Variants in BTC observed in about 807,000 individuals in gnomAD.
BTC encodes probetacellulin.
Under a neutral mutation model 18.1 loss-of-function variants are expected in BTC, and 13 were observed. The observed-to-expected ratio is 0.72, with a 90% CI of 0.47 to 1.14. The LOEUF is 1.14. Among genes scored for constraint, BTC ranks in the 50% most tolerant of loss-of-function variants. The pLI, the probability that BTC is intolerant of heterozygous loss-of-function variation, is 0.00. For synonymous variants in BTC, 83 were observed against 79.4 expected (o/e 1.05, Z -0.24); for missense variants, 247 against 224.2 (o/e 1.10, Z -0.65).
chr4:74,785,445 T>A (rs1386634402), intron 1 of BTC, among the ~76,000 whole-genome samples: 4 of 151,920 alleles, frequency 2.6e-5, no homozygotes, highest in African/African-American at 7.3e-5. Context: ...ATCTTGGGTA[T>A]TTTTTTGTCT....
At chr4:74,751,200 C>G (rs1342698272) in intron 3 of BTC, among the ~76,000 whole-genome samples, 1 of 152,180 alleles carries the variant, frequency 6.6e-6, no homozygotes, top group Non-Finnish European at 1.5e-5. Context: ...AAGTTCATAA[C>G]ACAATGTTCC....
chr4:74,788,644 T>A (rs779265344), intron 1 of BTC, among the ~76,000 whole-genome samples: 25 of 152,212 alleles, frequency 1.6e-4, no homozygotes, highest in Non-Finnish European at 1.6e-4. Context: ...AATTTTTAGG[T>A]CTGCCTTCCT....
At chr4:74,750,446 C>A in intron 4 of BTC, 127 bp downstream of exon 4, 1 of 972,852 alleles carries the variant, frequency 1.0e-6, no homozygotes, top group Non-Finnish European at 1.5e-6. Context: ...AATGGCAAAG[C>A]TCAAAAAGTA....
chr4:74,789,856 T>C (rs570948885), intron 1 of BTC, among the ~76,000 whole-genome samples: 1 of 152,356 alleles, frequency 6.6e-6, no homozygotes, highest in East Asian at 1.9e-4. Context: ...CTAAATATTT[T>C]ATTTTACTCT....
intron 1 of BTC, among the ~76,000 whole-genome samples, chr4:74,788,912 A>T (rs1725550152): frequency 6.6e-6 from 1 of 152,228 alleles, no homozygotes. Flanking sequence ...TAGGATACTG[A>T]GTTCTGGGAG....
At chr4:74,791,575 A>T (rs1236474778) in intron 1 of BTC, among the ~76,000 whole-genome samples, 2 of 152,084 alleles carry the variant, frequency 1.3e-5, no homozygotes, top group Non-Finnish European at 2.9e-5. Context: ...GTACCATATA[A>T]TCTGCTTATG....
At chr4:74,789,171 G>T (rs938600141) in intron 1 of BTC, among the ~76,000 whole-genome samples, 1 of 152,172 alleles carries the variant, frequency 6.6e-6, no homozygotes, top group African/African-American at 2.4e-5. Context: ...CCCTGCCATC[G>T]TGGAGCTTAC....
intron 2 of BTC, among the ~76,000 whole-genome samples, chr4:74,762,903 A>C (rs1553957456): frequency 6.6e-6 from 1 of 152,206 alleles, no homozygotes. Context: ...TTCAAAATCA[A>C]ATCAACTGAT....
rs1724906099 is a variant in BTC, at chr4:74,766,481, A to T, written c.163+3577T>A. Among the ~76,000 whole-genome samples the T allele has an allele frequency of 1.3e-5, 2 of 152,038 alleles. 1 individual carries two copies. Among genetic ancestry groups the T allele is most frequent in the African/African-American group, 4.8e-5 (2 of 41,432 alleles). ...AACTGATGTCACAGAAATAAAAAGGATTATATTAGACTACCATGAAAATTG... is the reference window on the plus strand; with the variant it reads ...AACTGATGTCACAGAAATAAAAAGGTTTATATTAGACTACCATGAAAATTG... On this transcript the variant is annotated intron_variant, in intron 2 of 5. Transcript: ENST00000395743.
chr4:74,781,398 T>A (rs931169938), intron 1 of BTC, among the ~76,000 whole-genome samples: 4 of 151,674 alleles, frequency 2.6e-5, no homozygotes, highest in Non-Finnish European at 5.9e-5. Context: ...TGTGTGTGTG[T>A]GTGTGTGTGT....
intron 2 of BTC, among the ~76,000 whole-genome samples, chr4:74,757,774 C>T (rs868983086): frequency 1.4e-3 from 220 of 152,262 alleles, no homozygotes; most frequent in African/African-American, 4.8e-3. Flanking sequence ...AAAGAAAATT[C>T]GTGTTTAATT....
intron 1 of BTC, among the ~76,000 whole-genome samples, chr4:74,781,007 CA>C (rs1725309990): frequency 1.3e-5 from 2 of 151,752 alleles, no homozygotes; most frequent in South Asian, 4.2e-4. Flanking sequence ...AAAACCTTGC[CA>C]AAGTGCAGTA....
chr4:74,768,048 A>C (rs1482318243), intron 2 of BTC, among the ~76,000 whole-genome samples: 4 of 152,098 alleles, frequency 2.6e-5, no homozygotes, highest in Non-Finnish European at 5.9e-5. Context: ...TCAAATGAAA[A>C]AGCTTCTTCA....
intron 1 of BTC, among the ~76,000 whole-genome samples, chr4:74,775,197 C>A (rs1052673132): frequency 3.2e-4 from 49 of 152,040 alleles, no homozygotes; most frequent in African/African-American, 1.2e-3. Flanking sequence ...AGCCAAGCTG[C>A]AGGTTCTATT....
chr4:74,752,702 A>G (rs1724496566), intron 3 of BTC, among the ~76,000 whole-genome samples: 2 of 152,042 alleles, frequency 1.3e-5, no homozygotes, highest in African/African-American at 2.4e-5. Context: ...AATTGCATGT[A>G]TACGAGGGAG....
chr4:74,785,600 G>A (rs189433819), intron 1 of BTC, among the ~76,000 whole-genome samples: 103 of 152,206 alleles, frequency 6.8e-4, no homozygotes, highest in African/African-American at 2.5e-3. Flanking sequence ...GCTAGTAATT[G>A]GAATTTCCTG....
At chr4:74,762,680 C>T (rs1008936952) in intron 2 of BTC, among the ~76,000 whole-genome samples, 2 of 152,020 alleles carry the variant, frequency 1.3e-5, no homozygotes, top group Non-Finnish European at 2.9e-5. Flanking sequence ...ATAATTAATG[C>T]TATTGTGACC....
intron 2 of BTC, among the ~76,000 whole-genome samples, chr4:74,765,356 G>A (rs1724873428): frequency 6.6e-6 from 1 of 151,840 alleles, no homozygotes; most frequent in Admixed American, 6.6e-5. Flanking sequence ...TTCAACAGAT[G>A]GCTTCAACAG....
chr4:74,753,366 G>T (rs1053097838), intron 3 of BTC, among the ~76,000 whole-genome samples: 2 of 152,116 alleles, frequency 1.3e-5, no homozygotes, highest in Admixed American at 1.3e-4. Context: ...TGAAGAAACT[G>T]ATGCACAGAG....
Sources: gnomAD v4.1 joint callset for allele counts (sites outside exome capture counted in the v4.1 genomes callset) on GRCh38, gnomAD v4.1.1 for gene constraint, MANE v1.5 for transcripts, NCBI Gene and HGNC (gene_info 2026-07-23, HGNC 2026-07-21) for gene names.